Variants in BRIP1 observed in about 807,000 individuals in gnomAD.
BRIP1 encodes BRCA1 interacting DNA helicase 1, also known as Fanconi anemia group J protein.
A neutral mutation model predicts 119.7 loss-of-function variants in BRIP1; 88 were observed. The ratio of observed to expected loss-of-function variants is 0.74; its 90% CI spans 0.62 to 0.88. BRIP1 has a LOEUF of 0.88. Among genes scored for constraint, BRIP1 ranks in the 40% least tolerant of loss-of-function variants. The probability of loss-of-function intolerance (pLI) is 0.00; values close to 1 mark genes in which losing one functional copy is unlikely to be tolerated. For synonymous variants in BRIP1, 443 were observed against 496.5 expected, an observed-to-expected ratio of 0.89 and a Z score of 1.43; for missense variants, 1,259 against 1,455.4, an observed-to-expected ratio of 0.87 and a Z score of 2.20.
rs1382094006 is a variant in BRIP1, at chr17:61,708,079, T to C, written c.2492+7872A>G. 2.0e-5 allele frequency among the ~76,000 whole-genome samples: 3 copies of C among 152,070 alleles called. No homozygotes were observed. Among genetic ancestry groups the C allele is most frequent in the African/African-American group, 7.2e-5 (3 of 41,394 alleles). ...CCAGGCTGGTCTCAAACTGCTGACCTCAAGTGATCATTTTTAAGAGGATTA... is the reference window on the plus strand; with the variant it reads ...CCAGGCTGGTCTCAAACTGCTGACCCCAAGTGATCATTTTTAAGAGGATTA... On this transcript the variant is annotated intron_variant, in intron 17 of 19. Transcript: ENST00000259008. This position sits in a 1 kb window ranked among gnomAD's most constrained non-coding sequence, Gnocchi z 4.4.
chr17:61,680,480 C>CTTTCTTTTT lies in BRIP1; in HGVS notation c.*2815_*2816insAAAAAGAAA, dbSNP rs1555571892. Among the ~76,000 whole-genome samples the CTTTCTTTTT allele has an allele frequency of 2.4e-4, 30 of 124,070 alleles. 3 individuals carry two copies. The highest frequency in any genetic ancestry group is 1.3e-3 in the South Asian group (5 of 3,944). The allele number at this position is 124,070 out of a possible 152,430, so 81.4% of individuals were successfully genotyped here. On this transcript the variant is annotated 3_prime_UTR_variant, in exon 20 of 20. Transcript: ENST00000259008. ...AGTTTACCAATTCTAAAGGTAATTTCTTTTTTTTTTTTTTTTTGAGACGGA... is the reference window on the plus strand; with the variant it reads ...AGTTTACCAATTCTAAAGGTAATTTCTTTCTTTTTTTTTTTTTTTTTTTTTTGAGACGGA...
rs928271631 is a variant in BRIP1 at position 61,743,646 on chromosome 17, A to G, written c.2258-512T>C. 3.3e-5 allele frequency among the ~76,000 whole-genome samples: 5 copies of G among 152,150 alleles called. No individual in the cohort carries two copies. The highest frequency in any genetic ancestry group is 7.3e-5 in the Non-Finnish European group (5 of 68,030). ...ATTACCTCTTTCTTGCATTGTTCAT[A>G]AACTACTACTATCCCTTCACATCAA... On this transcript the variant is annotated intron_variant, in intron 15 of 19. Coordinates refer to ENST00000259008, the MANE Select transcript of BRIP1 (RefSeq NM_032043.3). The surrounding 1 kb of genome is among the most constrained non-coding windows in gnomAD (Gnocchi z 4.3).
chr17:61,837,081 C>A (rs2078585785), intron 6 of BRIP1, among the ~76,000 whole-genome samples: 1 of 152,106 alleles, frequency 6.6e-6, no homozygotes, highest in Non-Finnish European at 1.5e-5. Context: ...GAGTTAAATT[C>A]TTTTATTTTG....
intron 4 of BRIP1, among the ~76,000 whole-genome samples, chr17:61,849,948 T>C (rs958195223): frequency 4.6e-5 from 7 of 152,220 alleles, no homozygotes; most frequent in African/African-American, 1.7e-4. Flanking sequence ...TCTTCCTTAA[T>C]GTCTGTAACA....
chr17:61,786,236 TGA>T (rs1479152732), intron 10 of BRIP1, among the ~76,000 whole-genome samples: 1 of 151,772 alleles, frequency 6.6e-6, no homozygotes. Context: ...AGAGTGTGTG[TGA>T]GTGTGTGCGT....
chr17:61,795,247 A>G lies in BRIP1; in HGVS notation c.1341-1518T>C, dbSNP rs1036399342. Among the ~76,000 whole-genome samples, 1 of 152,066 alleles carries G rather than the reference A, an allele frequency of 6.6e-6. No homozygotes were observed. Among genetic ancestry groups the G allele is most frequent in the Non-Finnish European group, 1.5e-5 (1 of 67,974 alleles). On this transcript the variant is annotated intron_variant, in intron 9 of 19. Transcript: ENST00000259008. This position sits in a 1 kb window ranked among gnomAD's most constrained non-coding sequence, Gnocchi z 5.6. The stretch of plus-strand genomic sequence containing the variant: ...AATCCTTTGTGTTACAAATAATCCA[A>G]TTATATTCTTTTAGTTATTTTTAAA...
intron 11 of BRIP1, chr17:61,784,013 T>A: frequency 3.0e-6 from 1 of 338,164 alleles, no homozygotes; most frequent in Non-Finnish European, 5.5e-6. Flanking sequence ...GCCCAGGAGG[T>A]CAAAGTTGCA....
In BRIP1 at chr17:61,847,191, TTC is replaced by T. The variant is rs1567866856; in HGVS notation, c.535_536del (p.Glu179SerfsTer9). 1 of 1,613,776 alleles carries T rather than the reference TTC, an allele frequency of 6.2e-7. No individual in the cohort carries two copies. Among genetic ancestry groups the T allele is most frequent in the South Asian group, 1.1e-5 (1 of 91,072 alleles). ...CAACTTTTGCATCCAAATTGTGTAC[TTC>T]TGTTCCAAAGCAATGACGTTTTCTA... is the stretch of plus-strand genomic sequence containing the variant. ...QIRKRHCFGT[E>X]VHNLDAKVDS... On this transcript the variant is annotated frameshift_variant, in exon 6 of 20. Transcript: ENST00000259008. LOFTEE classifies it high-confidence loss of function.
Position 61,850,206 on chromosome 17 carries a change from G to A in BRIP1, c.380-950C>T, listed in dbSNP as rs1006921517. ...CAACCTCTACCTCCCAGGTTCAAGC[G>A]ATTCTCCTGCCTCAGCCTCCTGAGT... On this transcript the variant is annotated intron_variant, in intron 4 of 19. Coordinates refer to ENST00000259008, the MANE Select transcript of BRIP1 (RefSeq NM_032043.3). 3.0e-4 allele frequency among the ~76,000 whole-genome samples: 46 copies of A among 151,102 alleles called. 1 individual carries two copies. The highest frequency in any genetic ancestry group is 2.7e-3 in the Admixed American group (41 of 15,158).
rs189590779 is a variant in BRIP1, at chr17:61,806,560, T to G, written c.918+1907A>C. Among the ~76,000 whole-genome samples the G allele has an allele frequency of 6.6e-6, 1 of 152,338 alleles. No homozygotes were observed. Among genetic ancestry groups the G allele is most frequent in the East Asian group, 1.9e-4 (1 of 5,188 alleles). The stretch of plus-strand genomic sequence containing the variant: ...CTTTTTATTTTTACATGATTCAAAC[T>G]TATGAGTAAAGATCAATAAAAACGT... On this transcript the variant is annotated intron_variant, in intron 7 of 19. Coordinates refer to ENST00000259008, the MANE Select transcript of BRIP1 (RefSeq NM_032043.3). This position sits in a 1 kb window ranked among gnomAD's most constrained non-coding sequence, Gnocchi z 4.9.
At chr17:61,715,685 G>A in intron 17 of BRIP1, among the ~76,000 whole-genome samples, 1 of 152,094 alleles carries the variant, frequency 6.6e-6, no homozygotes, top group East Asian at 1.9e-4. Context: ...TATTTACTGA[G>A]CATCTTTGTG....
intron 6 of BRIP1, among the ~76,000 whole-genome samples, chr17:61,821,937 G>A (rs1203781311): frequency 6.6e-6 from 1 of 152,016 alleles, no homozygotes; most frequent in African/African-American, 2.4e-5. Flanking sequence ...AATATTACTG[G>A]TAGAAATAAG....
Position 61,682,245 on chromosome 17 carries a change from GATA to G in BRIP1, c.*1048_*1050del, listed in dbSNP as rs564290244. The G allele has an allele frequency of 1.4e-3, 288 of 199,322 alleles. 1 individual carries two copies. Among genetic ancestry groups the G allele is most frequent in the Non-Finnish European group, 2.2e-3 (213 of 96,558 alleles). The allele number at this position is 199,322 out of a possible 1,614,324, so 12.3% of individuals were successfully genotyped here. On this transcript the variant is annotated 3_prime_UTR_variant, in exon 20 of 20. Coordinates refer to ENST00000259008, the MANE Select transcript of BRIP1 (RefSeq NM_032043.3). The surrounding 1 kb of genome is among the most constrained non-coding windows in gnomAD (Gnocchi z 4.9). Reference sequence around the variant, plus strand: ...CTTATGCTAGAACAATACCAGAGGGGATAAATTGTTTCACCCTTTCTAAACAAT... The same window carrying G: ...CTTATGCTAGAACAATACCAGAGGGGAATTGTTTCACCCTTTCTAAACAAT...
intron 14 of BRIP1, among the ~76,000 whole-genome samples, chr17:61,771,670 T>C (rs2077450268): frequency 6.6e-6 from 1 of 152,128 alleles, no homozygotes. Flanking sequence ...TTCAAAAAGT[T>C]AAATTTAGGC....
In BRIP1 at chr17:61,691,989, T is replaced by C. The variant is rs987175897; in HGVS notation, c.2575+1441A>G. Among the ~76,000 whole-genome samples the C allele has an allele frequency of 1.3e-5, 2 of 152,174 alleles. No homozygotes were observed. Among genetic ancestry groups the C allele is most frequent in the African/African-American group, 2.4e-5 (1 of 41,446 alleles). ...TCAGCGGATCTTCAACAGGGTGTCA[T>C]TGGGGATTGATATGCTTTGGTTATT... On this transcript the variant is annotated intron_variant, in intron 18 of 19. Coordinates refer to ENST00000259008, the MANE Select transcript of BRIP1 (RefSeq NM_032043.3). This position sits in a 1 kb window ranked among gnomAD's most constrained non-coding sequence, Gnocchi z 5.0.
rs1412325597 is a variant in BRIP1 at position 61,687,779 on chromosome 17, T to C, written c.2576-1614A>G. 1.3e-5 allele frequency among the ~76,000 whole-genome samples: 2 copies of C among 152,192 alleles called. No individual in the cohort carries two copies. Among genetic ancestry groups the C allele is most frequent in the African/African-American group, 4.8e-5 (2 of 41,472 alleles). Reference sequence around the variant, plus strand: ...CCTGCATCAAAGCGGTAGGAAAATTTGTGGCACCCTCTTGTCATGATCCCC... The same window carrying C: ...CCTGCATCAAAGCGGTAGGAAAATTCGTGGCACCCTCTTGTCATGATCCCC... On this transcript the variant is annotated intron_variant, in intron 18 of 19. Transcript: ENST00000259008. This position sits in a 1 kb window ranked among gnomAD's most constrained non-coding sequence, Gnocchi z 5.1.
rs587778137 is a variant in BRIP1, at chr17:61,683,345, A to C, written c.3701T>G (p.Phe1234Cys). Residue 1234 changes from phenylalanine to cysteine, a missense_variant, in exon 20 of 20, where the codon TTT (phenylalanine) becomes TGT (cysteine). Around this residue, in one of 3 missense-constraint regions of BRIP1, gnomAD observed 753 missense variants for 891.8 expected, o/e 0.84. Coordinates refer to ENST00000259008, the MANE Select transcript of BRIP1 (RefSeq NM_032043.3). This position sits in a 1 kb window ranked among gnomAD's most constrained non-coding sequence, Gnocchi z 4.7. ...GKTHEIEIKN[F>C]KPSPSKNKGM... ...TTTATTTTTGGAAGGAGATGGTTTA[A>C]AGTTCTTTATTTCTATTTCATGAGT... is the stretch of plus-strand genomic sequence containing the variant. The C allele has an allele frequency of 6.2e-6, 10 of 1,611,638 alleles. No homozygotes were observed. The highest frequency in any genetic ancestry group is 7.6e-6 in the Non-Finnish European group (9 of 1,178,500).
At position 61,861,045 on chromosome 17, in the gene BRIP1, T is replaced by C. The variant is rs1052148620; in HGVS notation, c.93+402A>G. Among the ~76,000 whole-genome samples the C allele has an allele frequency of 6.6e-6, 1 of 152,174 alleles. No homozygotes were observed. The highest frequency in any genetic ancestry group is 6.5e-5 in the Admixed American group (1 of 15,284). On this transcript the variant is annotated intron_variant, in intron 2 of 19. Transcript: ENST00000259008. This position sits in a 1 kb window ranked among gnomAD's most constrained non-coding sequence, Gnocchi z 4.5. ...ACCAGTAAATAAGATATGAAGTACA[T>C]ATGGCAAAATAGCTGTAACAAAACT...
rs577385396 is a variant in BRIP1, at chr17:61,801,638, C to T, written c.919-164G>A. Among the ~76,000 whole-genome samples the T allele has an allele frequency of 2.0e-5, 3 of 152,118 alleles. No homozygotes were observed. The East Asian group carries it at 5.8e-4, about 29-fold the overall frequency. ...ATTTTTTGTCTTTTTTGAGACAATA[C>T]CATAGCTACAATCACAACGAAGTCT... On this transcript the variant is annotated intron_variant, in intron 7 of 19. Transcript: ENST00000259008.
Sources: allele counts gnomAD v4.1 joint callset (sites outside exome capture counted in the v4.1 genomes callset), GRCh38; gene constraint gnomAD v4.1.1; regional missense constraint gnomAD v4.1.1; non-coding constraint Gnocchi (gnomAD v3.1); transcripts MANE v1.5; gene names NCBI Gene and HGNC (gene_info 2026-07-23, HGNC 2026-07-21).